The following PARP4 variants were observed in gnomAD, a reference collection of about 807,000 sequenced individuals.
PARP4 encodes poly(ADP-ribose) polymerase family member 4, also known as protein mono-ADP-ribosyltransferase PARP4.
A neutral mutation model predicts 187.7 loss-of-function variants in PARP4; 120 were observed. That is an observed-to-expected ratio of 0.64 (90% CI 0.55 to 0.74). The LOEUF (loss-of-function observed/expected upper bound fraction) is 0.74, where lower values mean the gene tolerates loss of function less well. Ranked by LOEUF, PARP4 falls within the 30% of genes least tolerant of loss-of-function variation. PARP4 has a pLI of 0.00. For missense variants in PARP4, 1,836 were observed against 2,070.5 expected (o/e 0.89, Z 2.20); for synonymous variants, 654 against 740.9 (o/e 0.88, Z 1.90).
chr13:24,499,458 C>T (rs1377059134), intron 4 of PARP4, 82 bp from the exon 5 acceptor site: 12 of 1,154,510 alleles, frequency 1.0e-5, no homozygotes, highest in Admixed American at 2.8e-5. Flanking sequence ...TTTTCTTGTA[C>T]ATCTTTACAA....
intron 3 of PARP4, 27 bp downstream of exon 3, chr13:24,501,606 G>A (rs764874888): frequency 1.4e-5 from 21 of 1,527,148 alleles, no homozygotes; most frequent in Admixed American, 5.0e-5. Flanking sequence ...CCTATGATAC[G>A]TTAAATGCTT....
chr13:24,507,149 C>A (rs1172580108), intron 1 of PARP4, among the ~76,000 whole-genome samples: 2 of 152,246 alleles, frequency 1.3e-5, no homozygotes, highest in Non-Finnish European at 2.9e-5. Context: ...CGCTGGCCCG[C>A]AAGCGCCGCG....
rs767184367 is a variant in PARP4 at position 24,501,790 on chromosome 13, G to C, written c.177C>G (p.Tyr59Ter). 16 of 1,612,388 alleles carry C rather than the reference G, an allele frequency of 9.9e-6. No homozygotes were observed. The highest frequency in any genetic ancestry group is 1.6e-4 in the Middle Eastern group (1 of 6,080). Residue 59 changes from tyrosine to a stop codon, truncating the protein, a stop_gained, in exon 3 of 34, where the codon TAC (tyrosine) becomes TAG (stop). Transcript: ENST00000381989. LOFTEE classifies it high-confidence loss of function. ...ILDNADVLSQ[Y>*]QLNSIQKNHV... ...GGTTCTTTTGGATAGAATTCAGTTG[G>C]TACTGACTCAGAACATCAGCATTAT...
chr13:24,493,741 A>G lies in PARP4; in HGVS notation c.742-8T>C. 8 of 1,612,930 alleles carry G rather than the reference A, an allele frequency of 5.0e-6. No individual in the cohort carries two copies. The highest frequency in any genetic ancestry group is 6.8e-6 in the Non-Finnish European group (8 of 1,179,726). ...GACTTCCTCCAAAAGCAACTACAAT[A>G]ATAAAATAGAAATGCCACCAAAAAG... On this transcript the variant is annotated splice_polypyrimidine_tract_variant and splice_region_variant and intron_variant, in intron 7 of 33. Transcript: ENST00000381989.
chr13:24,484,825 T>G, intron 11 of PARP4, 77 bp from the exon 12 acceptor site: 1 of 940,684 alleles, frequency 1.1e-6, no homozygotes, highest in South Asian at 1.4e-5. Context: ...TTTGGCAGGT[T>G]CCTACTGAAC....
In PARP4 at chr13:24,456,358, G is replaced by A. The variant is rs778923857; in HGVS notation, c.2545C>T (p.Pro849Ser). The change falls in exon 21 of 34, where the codon CCA (proline) becomes TCA (serine). Residue 849 changes from proline to serine, a missense_variant. Pro to Ser is a moderately conservative substitution (Grantham distance 74). Around this residue, in one of 8 missense-constraint regions of PARP4, gnomAD observed 1,147 missense variants for 1,214.2 expected, o/e 0.94. Coordinates refer to ENST00000381989, the MANE Select transcript of PARP4 (RefSeq NM_006437.4). ...GAGTATACCTCGCTTTCTTTTTCTG[G>A]ATGTTTTTCAACCCACATTCTTGGG... ...YLPRMWVEKH[P>S]EKESEACMLV... 15 of 1,608,762 alleles carry A rather than the reference G, an allele frequency of 9.3e-6. No individual in the cohort carries two copies. The highest frequency in any genetic ancestry group is 1.2e-5 in the Non-Finnish European group (14 of 1,176,420).
intron 17 of PARP4, among the ~76,000 whole-genome samples, chr13:24,464,151 C>G (rs1446712980): frequency 6.6e-6 from 1 of 152,090 alleles, no homozygotes; most frequent in African/African-American, 2.4e-5. Context: ...TCAGAGAGGA[C>G]ACGAACAAAT....
intron 17 of PARP4, 86 bp from the exon 18 acceptor site, chr13:24,460,222 T>G: frequency 8.7e-7 from 1 of 1,151,452 alleles, no homozygotes. Flanking sequence ...TTAAGCAACT[T>G]GAATGACAAC....
Position 24,478,095 on chromosome 13 carries a change from C to A in PARP4, c.1630G>T (p.Glu544Ter). 6.3e-7 allele frequency: 1 copy of A among 1,589,822 alleles called. No individual in the cohort carries two copies. The highest frequency in any genetic ancestry group is 8.6e-7 in the Non-Finnish European group (1 of 1,166,886). ...CTTCTTCCTTGAAATAAAAATACCT[C>A]AAAGTCTGTGGTGACAGAGGCTGTT... ...SQTASVTTDF[E>*]DDEFVVYKTN... is the part of the protein sequence containing the mutation. The change falls in exon 13 of 34, where the codon GAG becomes TAG. Residue 544 changes from glutamate to a stop codon, truncating the protein, a stop_gained and splice_region_variant. Coordinates refer to ENST00000381989, the MANE Select transcript of PARP4 (RefSeq NM_006437.4). LOFTEE classifies it high-confidence loss of function.
At chr13:24,505,352 G>A (rs1869572331) in intron 1 of PARP4, among the ~76,000 whole-genome samples, 1 of 151,982 alleles carries the variant, frequency 6.6e-6, no homozygotes, top group South Asian at 2.1e-4. Flanking sequence ...TGCCCTGCAA[G>A]ATATCGATAA....
At position 24,469,942 on chromosome 13, in the gene PARP4, A is replaced by G. The variant is rs1417838333; in HGVS notation, c.1998T>C (p.Ala666=). The G allele has an allele frequency of 1.2e-6, 2 of 1,613,772 alleles. No homozygotes were observed. Among genetic ancestry groups the G allele is most frequent in the African/African-American group, 2.7e-5 (2 of 74,894 alleles). ...TGATGAAGGCTTCGAAGCCACACAC[A>G]GCGGCCTTGTCATCCAAAGGAAAGA... ...KYIFPLDDKA[A]VCGFEAFING... is the part of the protein sequence containing the mutation. The change falls in exon 16 of 34, where the codon GCT becomes GCC. Residue 666 remains alanine, a synonymous_variant. Transcript: ENST00000381989.
chr13:24,458,122 T>A (rs1446268640), intron 20 of PARP4, among the ~76,000 whole-genome samples: 1 of 151,334 alleles, frequency 6.6e-6, no homozygotes, highest in East Asian at 1.9e-4. Flanking sequence ...TTTTTTTTTT[T>A]TTTTTGAGAT....
intron 32 of PARP4, among the ~76,000 whole-genome samples, chr13:24,428,024 A>C (rs1336236498): frequency 6.6e-6 from 1 of 152,222 alleles, no homozygotes; most frequent in East Asian, 1.9e-4. Context: ...GATAAAAGAG[A>C]AATGAAGAAG....
At chr13:24,511,826 T>C (rs1870034116) in intron 1 of PARP4, among the ~76,000 whole-genome samples, 2 of 152,248 alleles carry the variant, frequency 1.3e-5, no homozygotes, top group Non-Finnish European at 2.9e-5. Flanking sequence ...TGACACTATT[T>C]GCATTTTGGA....
chr13:24,490,209 A>AGCGCAGGACCCTGGGTAT (rs1868552942), intron 10 of PARP4, among the ~76,000 whole-genome samples: 1 of 152,168 alleles, frequency 6.6e-6, no homozygotes, highest in African/African-American at 2.4e-5. Flanking sequence ...AATGCCCCTC[A>AGCGCAGGACCCTGGGTAT]GCGCAGGACC....
intron 30 of PARP4, among the ~76,000 whole-genome samples, chr13:24,436,766 A>G (rs1870660236): frequency 6.6e-6 from 1 of 152,224 alleles, no homozygotes; most frequent in Non-Finnish European, 1.5e-5. Flanking sequence ...CCAGTTTTAT[A>G]TGCATGTCAA....
At chr13:24,482,332 AAGC>A (rs143041888) in intron 12 of PARP4, among the ~76,000 whole-genome samples, 2,381 of 152,348 alleles carry the variant, frequency 0.016, 71 homozygotes, top group African/African-American at 0.053. Flanking sequence ...TTAGTGGACA[AAGC>A]AGCAGCAGTG....
chr13:24,446,398 G>C (rs776809509), intron 27 of PARP4, among the ~76,000 whole-genome samples: 2 of 152,218 alleles, frequency 1.3e-5, no homozygotes, highest in Non-Finnish European at 2.9e-5. Flanking sequence ...ACAGACAGCA[G>C]GGGTATCCAA....
intron 15 of PARP4, among the ~76,000 whole-genome samples, chr13:24,473,828 C>T (rs557601937): frequency 1.0e-3 from 155 of 152,174 alleles, no homozygotes; most frequent in African/African-American, 3.6e-3. Flanking sequence ...ACCAGCCTCC[C>T]CTCCCTGTTC....
Sources: gnomAD v4.1 joint callset for allele counts (sites outside exome capture counted in the v4.1 genomes callset) on GRCh38, gnomAD v4.1.1 for gene constraint, gnomAD v4.1.1 regional missense constraint, MANE v1.5 for transcripts, NCBI Gene and HGNC (gene_info 2026-07-23, HGNC 2026-07-21) for gene names.